CALN1: variants seen among roughly 807,000 people sequenced by gnomAD.
CALN1 encodes the protein calneuron 1.
A neutral mutation model predicts 30.6 loss-of-function variants in CALN1; 17 were observed. The ratio of observed to expected loss-of-function variants is 0.56; its 90% CI spans 0.38 to 0.83. CALN1 has a LOEUF of 0.83. Ranked by LOEUF, CALN1 falls within the 40% of genes least tolerant of loss-of-function variation. The pLI is 0.00. For synonymous variants in CALN1, 156 were observed against 131.4 expected, an observed-to-expected ratio of 1.19 and a Z score of -1.28; for missense variants, 291 against 354.9, an observed-to-expected ratio of 0.82 and a Z score of 1.45.
At chr7:72,401,566 T>A (rs754943201) in intron 2 of CALN1, among the ~76,000 whole-genome samples, 6 of 152,192 alleles carry the variant, frequency 3.9e-5, no homozygotes, top group Non-Finnish European at 8.8e-5. Flanking sequence ...GGAGTTCATG[T>A]TCAGCCCCAA....
At chr7:71,862,912 T>C (rs1304597106) in intron 5 of CALN1, among the ~76,000 whole-genome samples, 1 of 152,192 alleles carries the variant, frequency 6.6e-6, no homozygotes, top group African/African-American at 2.4e-5. Flanking sequence ...AATGACAAGA[T>C]AATCCAAGTT....
chr7:72,349,758 G>T (rs1204195049), intron 2 of CALN1, among the ~76,000 whole-genome samples: 1 of 152,080 alleles, frequency 6.6e-6, no homozygotes, highest in Non-Finnish European at 1.5e-5. Context: ...CTGCCTGTTT[G>T]TGTCCTTTGC....
In CALN1 at chr7:71,832,961, T is replaced by C. The variant is rs188565896; in HGVS notation, c.502-22469A>G. Among the ~76,000 whole-genome samples, 174 of 152,294 alleles carry C rather than the reference T, an allele frequency of 1.1e-3. 1 individual carries two copies. The highest frequency in any genetic ancestry group is 3.9e-3 in the African/African-American group (164 of 41,574). ...CCTTGTCATTGTGTCCTGCCCGCGA[T>C]GTCTTGATCCTCTGTATGCCAGCCA... is the stretch of plus-strand genomic sequence containing the variant. On this transcript the variant is annotated intron_variant, in intron 5 of 6. Coordinates refer to ENST00000395275, the MANE Select transcript of CALN1 (RefSeq NM_031468.4).
At chr7:71,906,762 CAG>C (rs1241304752) in intron 5 of CALN1, among the ~76,000 whole-genome samples, 2 of 152,164 alleles carry the variant, frequency 1.3e-5, no homozygotes, top group African/African-American at 4.8e-5. Flanking sequence ...GGCATCCAGA[CAG>C]AGTTAGGGCA....
intron 2 of CALN1, among the ~76,000 whole-genome samples, chr7:72,384,153 G>A (rs984509859): frequency 8.5e-5 from 13 of 152,184 alleles, no homozygotes; most frequent in Non-Finnish European, 1.6e-4. Context: ...ACTGGCAGGG[G>A]ACATTTTTGC....
At chr7:72,396,854 T>C (rs1289539166) in intron 2 of CALN1, among the ~76,000 whole-genome samples, 8 of 152,180 alleles carry the variant, frequency 5.3e-5, no homozygotes, top group South Asian at 2.1e-4. Context: ...TAGAAGTATA[T>C]AGGATCATCT....
intron 2 of CALN1, among the ~76,000 whole-genome samples, chr7:72,331,143 A>T (rs1426896069): frequency 2.0e-5 from 3 of 152,114 alleles, no homozygotes; most frequent in Non-Finnish European, 2.9e-5. Flanking sequence ...TGAAGTCAGG[A>T]GTTCGAGACC....
chr7:72,330,496 A>T (rs1585509932), intron 2 of CALN1, among the ~76,000 whole-genome samples: 1 of 149,780 alleles, frequency 6.7e-6, no homozygotes, highest in South Asian at 2.1e-4. Context: ...AGAGAGAGAG[A>T]CCTTTGTTGG....
At chr7:72,311,564 C>G (rs894608643) in intron 2 of CALN1, among the ~76,000 whole-genome samples, 1 of 151,892 alleles carries the variant, frequency 6.6e-6, no homozygotes, top group African/African-American at 2.4e-5. Flanking sequence ...ACTGCAGCCT[C>G]AACCTCCCCG....
At chr7:72,331,716 C>G (rs1409524565) in intron 2 of CALN1, among the ~76,000 whole-genome samples, 1 of 151,850 alleles carries the variant, frequency 6.6e-6, no homozygotes, top group African/African-American at 2.4e-5. Flanking sequence ...ATCTTAAGTT[C>G]AGAGGTACAT....
intron 5 of CALN1, among the ~76,000 whole-genome samples, chr7:71,951,522 C>T (rs1449278476): frequency 5.3e-5 from 8 of 152,102 alleles, no homozygotes; most frequent in East Asian, 1.9e-4. Context: ...ACCCAGGAGG[C>T]GGAGGTTGCA....
intron 3 of CALN1, among the ~76,000 whole-genome samples, chr7:72,159,002 G>C (rs1209449850): frequency 6.6e-6 from 1 of 151,964 alleles, no homozygotes; most frequent in Non-Finnish European, 1.5e-5. Flanking sequence ...ACAGGCATAA[G>C]CCACTATGCC....
In CALN1 at chr7:71,895,057, C is replaced by T. The variant is rs1228976078; in HGVS notation, c.502-84565G>A. ...GCAACCTCTGCCTCCTGGGCTCAAG[C>T]GAGCCTCTCATCTCAGCCTCCCCAG... On this transcript the variant is annotated intron_variant, in intron 5 of 6. Transcript: ENST00000395275. Among the ~76,000 whole-genome samples the T allele has an allele frequency of 3.9e-5, 6 of 151,944 alleles. No individual in the cohort carries two copies. The East Asian group carries it at 5.8e-4, about 15-fold the overall frequency.
rs74501253 is a variant in CALN1 at position 72,328,116 on chromosome 7, TA to T, written c.120-49307del. Among the ~76,000 whole-genome samples, 512 of 150,790 alleles carry T rather than the reference TA, an allele frequency of 3.4e-3. 18 individuals carry two copies. The East Asian group carries it at 0.091, about 27-fold the overall frequency. ...CTGTATAGCTTTTAATTTCTTTTTT[TA>T]AAAAAAAAATGTTTACTTTCATCGC... On this transcript the variant is annotated intron_variant, in intron 2 of 6. Transcript: ENST00000395275.
At chr7:72,346,523 T>G (rs951583861) in intron 2 of CALN1, among the ~76,000 whole-genome samples, 2 of 152,128 alleles carry the variant, frequency 1.3e-5, no homozygotes, top group Non-Finnish European at 2.9e-5. Flanking sequence ...TTATTTATTA[T>G]TTATTTATTT....
intron 3 of CALN1, among the ~76,000 whole-genome samples, chr7:72,177,942 A>G (rs958239512): frequency 5.9e-5 from 9 of 151,890 alleles, no homozygotes; most frequent in Admixed American, 5.9e-4. Flanking sequence ...AAAAGAACTC[A>G]CTCTGGTCCA....
chr7:72,293,413 A>G (rs1396453733), intron 2 of CALN1, among the ~76,000 whole-genome samples: 5 of 152,190 alleles, frequency 3.3e-5, no homozygotes, highest in Non-Finnish European at 5.9e-5. Flanking sequence ...AGAGACAGCC[A>G]CTGCTGGAGA....
chr7:72,238,420 TTTA>T (rs1309850297), intron 3 of CALN1, among the ~76,000 whole-genome samples: 5 of 152,128 alleles, frequency 3.3e-5, no homozygotes. Context: ...ATGAGTATAA[TTTA>T]TTATTTAATG....
At chr7:72,111,121 T>C (rs1375795686) in intron 3 of CALN1, among the ~76,000 whole-genome samples, 6 of 152,232 alleles carry the variant, frequency 3.9e-5, no homozygotes. Flanking sequence ...ACTTTACTCC[T>C]CCATCTCATG....
Sources: allele counts gnomAD v4.1 joint callset (sites outside exome capture counted in the v4.1 genomes callset), GRCh38; gene constraint gnomAD v4.1.1; transcripts MANE v1.5; gene names NCBI Gene and HGNC (gene_info 2026-07-23, HGNC 2026-07-21).